NMNAT2: variants seen among roughly 807,000 people sequenced by gnomAD.
The protein encoded by NMNAT2 is nicotinamide nucleotide adenylyltransferase 2, also known as nicotinamide/nicotinic acid mononucleotide adenylyltransferase 2.
A neutral mutation model predicts 41.6 loss-of-function variants in NMNAT2; 11 were observed. That is an observed-to-expected ratio of 0.26 (90% CI 0.17 to 0.44). The LOEUF (loss-of-function observed/expected upper bound fraction) is 0.44. NMNAT2 is among the 20% of genes least tolerant of loss of function. The pLI is 1.00. For synonymous variants in NMNAT2, 148 were observed against 151.2 expected (o/e 0.98, Z 0.16); for missense variants, 288 against 407.7 (o/e 0.71, Z 2.53).
intron 1 of NMNAT2, among the ~76,000 whole-genome samples, chr1:183,417,274 C>A (rs1388173184): frequency 6.6e-6 from 1 of 152,158 alleles, no homozygotes; most frequent in Non-Finnish European, 1.5e-5. Flanking sequence ...TGCCCCCGCT[C>A]GCTCTCTCTG....
At chr1:183,349,211 A>G (rs1662993859) in intron 1 of NMNAT2, among the ~76,000 whole-genome samples, 1 of 152,244 alleles carries the variant, frequency 6.6e-6, no homozygotes, top group Non-Finnish European at 1.5e-5. Context: ...ATCCTGAATC[A>G]TCAATTTAAT....
intron 8 of NMNAT2, among the ~76,000 whole-genome samples, chr1:183,269,667 A>G (rs780866711): frequency 1.3e-5 from 2 of 152,240 alleles, no homozygotes; most frequent in Middle Eastern, 3.2e-3. Context: ...AGCTTATCGC[A>G]TTTAATCCTT....
chr1:183,269,918 C>G (rs1377287563), intron 8 of NMNAT2, among the ~76,000 whole-genome samples: 2 of 152,122 alleles, frequency 1.3e-5, no homozygotes, highest in Admixed American at 6.5e-5. Flanking sequence ...GAGTCTCGCT[C>G]TGTAGCCCAG....
chr1:183,291,478 C>G (rs1443893682), intron 3 of NMNAT2, among the ~76,000 whole-genome samples: 1 of 152,178 alleles, frequency 6.6e-6, no homozygotes, highest in Non-Finnish European at 1.5e-5. Context: ...CCCACCCCAG[C>G]CAACCCCATC....
intron 1 of NMNAT2, among the ~76,000 whole-genome samples, chr1:183,320,964 A>G (rs1256298804): frequency 1.3e-5 from 2 of 152,226 alleles, no homozygotes; most frequent in Non-Finnish European, 2.9e-5. Flanking sequence ...CACTTTGGCA[A>G]GCAATTCTAG....
At chr1:183,381,075 T>G (rs952736409) in intron 1 of NMNAT2, among the ~76,000 whole-genome samples, 1 of 152,060 alleles carries the variant, frequency 6.6e-6, no homozygotes, top group African/African-American at 2.4e-5. Flanking sequence ...ATTGTGAGAA[T>G]GAGGGAGAGA....
At chr1:183,412,408 A>G (rs889360167) in intron 1 of NMNAT2, among the ~76,000 whole-genome samples, 5 of 152,136 alleles carry the variant, frequency 3.3e-5, no homozygotes, top group Non-Finnish European at 7.3e-5. Flanking sequence ...TATTTTTAGT[A>G]GAGATGGGGT....
intron 1 of NMNAT2, among the ~76,000 whole-genome samples, chr1:183,411,371 G>A (rs952381356): frequency 2.0e-5 from 3 of 152,076 alleles, no homozygotes; most frequent in Admixed American, 6.5e-5. Context: ...CTGGAGTGCA[G>A]TGGTGCGATC....
chr1:183,362,355 G>A (rs772635556), intron 1 of NMNAT2, among the ~76,000 whole-genome samples: 6 of 152,048 alleles, frequency 3.9e-5, no homozygotes, highest in Admixed American at 6.5e-5. Context: ...CACCACTATC[G>A]AATTCTACAA....
chr1:183,341,748 C>CAAAAAAAAAAAAACAAAAAA, intron 1 of NMNAT2, among the ~76,000 whole-genome samples: 1 of 79,794 alleles, frequency 1.3e-5, no homozygotes, highest in African/African-American at 4.4e-5. Context: ...AAAAAAAAAA[C>CAAAAAAAAAAAAACAAAAAA]CTGTTTCCTT....
intron 10 of NMNAT2, among the ~76,000 whole-genome samples, chr1:183,253,462 T>C (rs1427672980): frequency 6.6e-6 from 1 of 152,024 alleles, no homozygotes; most frequent in Non-Finnish European, 1.5e-5. Context: ...TCTACTAATT[T>C]AGCAAAAACC....
At chr1:183,340,176 G>T (rs939552458) in intron 1 of NMNAT2, among the ~76,000 whole-genome samples, 6 of 152,166 alleles carry the variant, frequency 3.9e-5, no homozygotes, top group African/African-American at 1.4e-4. Flanking sequence ...CTAAAGCTCT[G>T]AAGAGCAGAC....
intron 1 of NMNAT2, among the ~76,000 whole-genome samples, chr1:183,313,791 G>A (rs1182956862): frequency 1.3e-5 from 2 of 152,192 alleles, no homozygotes; most frequent in African/African-American, 4.8e-5. Flanking sequence ...CAGCCAATGG[G>A]AAATATACCT....
chr1:183,286,560 G>T, intron 5 of NMNAT2, 102 bp downstream of exon 5: 2 of 981,032 alleles, frequency 2.0e-6, no homozygotes, highest in Non-Finnish European at 1.5e-6. Context: ...TCCCCTCTCA[G>T]ACCTACTGAA....
chr1:183,404,566 G>A (rs145631629), intron 1 of NMNAT2, among the ~76,000 whole-genome samples: 180 of 152,304 alleles, frequency 1.2e-3, no homozygotes, highest in African/African-American at 3.9e-3. Context: ...ACAGACATTC[G>A]TGGCTTTGAA....
chr1:183,287,478 A>G (rs1260001383), intron 4 of NMNAT2, among the ~76,000 whole-genome samples: 1 of 152,166 alleles, frequency 6.6e-6, no homozygotes, highest in Non-Finnish European at 1.5e-5. Context: ...AATACACATG[A>G]CAGAGCCAAG....
At position 183,335,451 on chromosome 1, in the gene NMNAT2, A is replaced by T. The variant is rs1184699464; in HGVS notation, c.86-41658T>A. On this transcript the variant is annotated intron_variant, in intron 1 of 10. Coordinates refer to ENST00000287713, the MANE Select transcript of NMNAT2 (RefSeq NM_015039.4). Reference sequence around the variant, plus strand: ...TGGCCACCACCTGAGTCTCCTCTGCACCCCTCTGTGGCAAGGTGATGTGAG... The same window carrying T: ...TGGCCACCACCTGAGTCTCCTCTGCTCCCCTCTGTGGCAAGGTGATGTGAG... 2.0e-5 allele frequency among the ~76,000 whole-genome samples: 3 copies of T among 152,260 alleles called. No homozygotes were observed. In the East Asian group the frequency reaches 5.8e-4, roughly 29 times the overall value.
At chr1:183,335,890 T>C (rs80000971) in intron 1 of NMNAT2, among the ~76,000 whole-genome samples, 465 of 152,326 alleles carry the variant, frequency 3.1e-3, no homozygotes, top group African/African-American at 0.011. Context: ...GTGAATACAA[T>C]AGGCTGGCCT....
chr1:183,310,216 G>C (rs1489097741), intron 1 of NMNAT2, among the ~76,000 whole-genome samples: 3 of 152,182 alleles, frequency 2.0e-5, no homozygotes, highest in African/African-American at 7.2e-5. Context: ...ATTTCTAATT[G>C]TTCAAAGAAC....
Sources: allele counts gnomAD v4.1 joint callset (sites outside exome capture counted in the v4.1 genomes callset), GRCh38; gene constraint gnomAD v4.1.1; transcripts MANE v1.5; gene names NCBI Gene and HGNC (gene_info 2026-07-23, HGNC 2026-07-21).